LIMCH1: variants seen among roughly 807,000 people sequenced by gnomAD.
The protein encoded by LIMCH1 is LIM and calponin homology domains 1, also known as LIM and calponin homology domains-containing protein 1.
Under a neutral mutation model 176.5 loss-of-function variants are expected in LIMCH1, and 113 were observed. That is an observed-to-expected ratio of 0.64 (90% CI 0.55 to 0.75). The LOEUF is 0.75. LIMCH1 is among the 30% of genes least tolerant of loss of function. The pLI is 0.00. For missense variants in LIMCH1, 1,674 were observed against 1,814.9 expected, an observed-to-expected ratio of 0.92 and a Z score of 1.41; for synonymous variants, 619 against 645.9, an observed-to-expected ratio of 0.96 and a Z score of 0.63.
Position 41,697,281 on chromosome 4 carries a change from C to A in LIMCH1, c.*96C>A. 9.2e-7 allele frequency: 1 copy of A among 1,087,324 alleles called. No homozygotes were observed. Among genetic ancestry groups the A allele is most frequent in the Non-Finnish European group, 1.4e-6 (1 of 712,922 alleles). The allele number at this position is 1,087,324 out of a possible 1,614,324, so 67.4% of individuals were successfully genotyped here. ...AATCCCAAGCTCAGGGGCTTCTCAG[C>A]ATTTACCTAATTTCTGAAAGGCTCT... is the stretch of plus-strand genomic sequence containing the variant. On this transcript the variant is annotated 3_prime_UTR_variant, in exon 32 of 32. Coordinates refer to ENST00000503057, the MANE Select transcript of LIMCH1 (RefSeq NM_001330672.2).
At chr4:41,512,179 A>C (rs1360853895) in intron 2 of LIMCH1, among the ~76,000 whole-genome samples, 1 of 152,222 alleles carries the variant, frequency 6.6e-6, no homozygotes, top group Admixed American at 6.5e-5. Context: ...TCTTGAGAGA[A>C]ATGCAAATCA....
chr4:41,611,732 T>G (rs899804571), intron 4 of LIMCH1, among the ~76,000 whole-genome samples: 1 of 152,194 alleles, frequency 6.6e-6, no homozygotes, highest in South Asian at 2.1e-4. Context: ...AAACATCAAG[T>G]GTAGCTGCAG....
At chr4:41,394,533 C>G (rs1331945413) in intron 1 of LIMCH1, among the ~76,000 whole-genome samples, 1 of 152,090 alleles carries the variant, frequency 6.6e-6, no homozygotes. Flanking sequence ...TATTTAAAAC[C>G]TTTGGATTTC....
chr4:41,614,734 G>A (rs1321163828), intron 5 of LIMCH1, among the ~76,000 whole-genome samples: 1 of 152,146 alleles, frequency 6.6e-6, no homozygotes, highest in Middle Eastern at 3.2e-3. Context: ...CTCCCACAGA[G>A]CTGTGAGACA....
chr4:41,366,774 T>G (rs1239848019), intron 1 of LIMCH1, among the ~76,000 whole-genome samples: 1 of 152,232 alleles, frequency 6.6e-6, no homozygotes, highest in Non-Finnish European at 1.5e-5. Flanking sequence ...TAAAATTCCA[T>G]GTTTGCAATA....
At position 41,455,083 on chromosome 4, in the gene LIMCH1, T is replaced by A. The variant is rs74330311; in HGVS notation, c.97-39453T>A. 8.2e-3 allele frequency among the ~76,000 whole-genome samples: 1,252 copies of A among 152,164 alleles called. 19 individuals carry two copies. The highest frequency in any genetic ancestry group is 0.028 in the African/African-American group (1,182 of 41,500). ...TCATAAAATGTACTGTATTTCTCTA[T>A]GGGTTTGAGTATTATAAATATTTAT... On this transcript the variant is annotated intron_variant, in intron 1 of 26. Coordinates refer to the LIMCH1 transcript ENST00000313860.
chr4:41,377,243 CCTTT>C (rs2054896261), intron 1 of LIMCH1, among the ~76,000 whole-genome samples: 1 of 152,188 alleles, frequency 6.6e-6, no homozygotes, highest in African/African-American at 2.4e-5. Flanking sequence ...TCATGTGTCT[CCTTT>C]CTTCTTGGAC....
intron 22 of LIMCH1, among the ~76,000 whole-genome samples, chr4:41,672,173 C>A: frequency 6.6e-6 from 1 of 152,050 alleles, no homozygotes; most frequent in East Asian, 1.9e-4. Flanking sequence ...AGTTCGAGAC[C>A]AACCTAGCCA....
intron 1 of LIMCH1, among the ~76,000 whole-genome samples, chr4:41,559,714 G>A (rs1219461345): frequency 6.6e-6 from 1 of 152,100 alleles, no homozygotes; most frequent in African/African-American, 2.4e-5. Flanking sequence ...GATACCATTG[G>A]TCAGTCACTA....
At position 41,691,006 on chromosome 4, in the gene LIMCH1, C is replaced by T. The variant is rs573278232; in HGVS notation, c.4276-1276C>T. On this transcript the variant is annotated intron_variant, in intron 30 of 31. Transcript: ENST00000503057. The stretch of plus-strand genomic sequence containing the variant: ...GATAATATGCATTCTGAGAACACTG[C>T]ATTCTGTTCTCAGAAACTTTATGAG... Among the ~76,000 whole-genome samples the T allele has an allele frequency of 3.7e-3, 557 of 152,274 alleles. 2 individuals are homozygous for T. Among genetic ancestry groups the T allele is most frequent in the African/African-American group, 0.012 (481 of 41,560 alleles).
intron 22 of LIMCH1, among the ~76,000 whole-genome samples, chr4:41,674,398 T>A (rs2095149442): frequency 6.6e-6 from 1 of 152,264 alleles, no homozygotes; most frequent in African/African-American, 2.4e-5. Flanking sequence ...TGGAAGAGCT[T>A]CTGAATGTTT....
At chr4:41,642,335 G>A (rs2093858198) in intron 14 of LIMCH1, among the ~76,000 whole-genome samples, 1 of 151,842 alleles carries the variant, frequency 6.6e-6, no homozygotes, top group Non-Finnish European at 1.5e-5. Context: ...TAAACTGTGA[G>A]AGGAAGAATG....
intron 31 of LIMCH1, chr4:41,692,789 C>G (rs189321894): frequency 4.1e-4 from 68 of 167,626 alleles, no homozygotes; most frequent in Non-Finnish European, 7.5e-5. Context: ...CGAGCACCAA[C>G]TCATCAATGT....
At chr4:41,580,793 G>A (rs2085283938) in intron 1 of LIMCH1, among the ~76,000 whole-genome samples, 1 of 152,130 alleles carries the variant, frequency 6.6e-6, no homozygotes, top group South Asian at 2.1e-4. Context: ...AAATAAGATA[G>A]CAAAAGAGTA....
At chr4:41,419,600 T>TTCCTTCCC (rs1374029356) in intron 1 of LIMCH1, among the ~76,000 whole-genome samples, 1 of 69,288 alleles carries the variant, frequency 1.4e-5, no homozygotes, top group Non-Finnish European at 2.6e-5. Context: ...CCTTCCTTCC[T>TTCCTTCCC]TCCGTCCTTC....
chr4:41,363,468 A>G (rs1392767210), intron 1 of LIMCH1, among the ~76,000 whole-genome samples: 1 of 152,070 alleles, frequency 6.6e-6, no homozygotes, highest in East Asian at 1.9e-4. Flanking sequence ...ACCCTTTCAT[A>G]AAAATGTTCC....
intron 8 of LIMCH1, among the ~76,000 whole-genome samples, chr4:41,628,626 T>A (rs890665200): frequency 1.3e-5 from 2 of 152,186 alleles, no homozygotes; most frequent in Non-Finnish European, 2.9e-5. Flanking sequence ...TATTTATATA[T>A]TTTTTGAGAT....
chr4:41,648,920 A>G (rs1456254256), intron 17 of LIMCH1, among the ~76,000 whole-genome samples: 1 of 151,628 alleles, frequency 6.6e-6, no homozygotes, highest in East Asian at 1.9e-4. Context: ...TGTGTCACAC[A>G]ATGAAGGCAA....
chr4:41,646,803 C>A lies in LIMCH1; in HGVS notation c.2730C>A (p.Ser910Arg). 2.5e-6 allele frequency: 4 copies of A among 1,614,166 alleles called. No homozygotes were observed. Among genetic ancestry groups the A allele is most frequent in the South Asian group, 2.2e-5 (2 of 91,076 alleles). ...TSMSAGSGSP[S>R]KTVTPKAVPM... ...TGTCAGCAGGCAGTGGGTCTCCAAG[C>A]AAAACTGTCACTCCCAAAGCAGTGC... Residue 910 changes from serine (S) to arginine (R), a missense_variant, in exon 17 of 32, where the codon AGC becomes AGA. Physicochemically the swap from Ser to Arg is moderately radical, Grantham distance 110. This residue lies in a region of LIMCH1 where 1,015 missense variants were observed against 1,102.5 expected (regional missense o/e 0.92). Coordinates refer to ENST00000503057, the MANE Select transcript of LIMCH1 (RefSeq NM_001330672.2).
Sources: gnomAD v4.1 joint callset for allele counts (sites outside exome capture counted in the v4.1 genomes callset) on GRCh38, gnomAD v4.1.1 for gene constraint, gnomAD v4.1.1 regional missense constraint, MANE v1.5 for transcripts, NCBI Gene and HGNC (gene_info 2026-07-23, HGNC 2026-07-21) for gene names.